CUX1: variants seen among roughly 807,000 people sequenced by gnomAD.
CUX1 encodes cut like homeobox 1.
In CUX1, 31 loss-of-function variants were observed where a neutral mutation model predicts 158.8. The ratio of observed to expected loss-of-function variants is 0.20; its 90% CI spans 0.15 to 0.26. CUX1 has a LOEUF of 0.26. Among genes scored for constraint, CUX1 ranks in the 10% least tolerant of loss-of-function variants. CUX1 has a pLI of 1.00. For synonymous variants in CUX1, 879 were observed against 862.1 expected (o/e 1.02, Z -0.34); for missense variants, 1,589 against 2,014.6 (o/e 0.79, Z 4.04).
Position 101,889,786 on chromosome 7 carries a change from CAAAT to C in CUX1, c.31-26323_31-26320del, listed in dbSNP as rs200585694. ...GACTATATCTCAAAAAATAAATAAA[CAAAT>C]AAATACATCTGGTGCAGGTAAAGTG... On this transcript the variant is annotated intron_variant, in intron 1 of 23. Transcript: ENST00000292535. Among the ~76,000 whole-genome samples, 858 of 152,048 alleles carry C rather than the reference CAAAT, an allele frequency of 5.6e-3. 10 individuals are homozygous for C. The highest frequency in any genetic ancestry group is 0.02 in the African/African-American group (822 of 41,548).
intron 8 of CUX1, among the ~76,000 whole-genome samples, chr7:102,144,362 T>C (rs145452066): frequency 1.7e-4 from 26 of 152,264 alleles, no homozygotes; most frequent in African/African-American, 5.1e-4. Flanking sequence ...CGTGACCTGG[T>C]GTCAGCATCT....
chr7:102,220,614 GTCTT>G (rs1797709938), intron 20 of CUX1, among the ~76,000 whole-genome samples: 1 of 152,112 alleles, frequency 6.6e-6, no homozygotes, highest in Non-Finnish European at 1.5e-5. Context: ...GCTGGGAAGA[GTCTT>G]TCTGAGCCTC....
At chr7:102,139,438 G>C (rs1554499616) in intron 8 of CUX1, among the ~76,000 whole-genome samples, 1 of 152,020 alleles carries the variant, frequency 6.6e-6, no homozygotes, top group Non-Finnish European at 1.5e-5. Flanking sequence ...GCTGGTTATT[G>C]GATATACATC....
chr7:102,154,456 AAAAC>A (rs1554504499), intron 8 of CUX1: 1 of 151,910 alleles, frequency 6.6e-6, no homozygotes, highest in African/African-American at 2.4e-5. Context: ...CCAAAAAAAA[AAAAC>A]AAATAGAAAA....
chr7:101,910,338 G>A (rs1422773208), intron 1 of CUX1, among the ~76,000 whole-genome samples: 2 of 151,942 alleles, frequency 1.3e-5, no homozygotes, highest in African/African-American at 4.8e-5. Context: ...GTAGAGATGG[G>A]GTTTTGCCAT....
chr7:101,972,903 T>TA (rs1812150958), intron 2 of CUX1, among the ~76,000 whole-genome samples: 1 of 152,198 alleles, frequency 6.6e-6, no homozygotes, highest in African/African-American at 2.4e-5. Flanking sequence ...GACTTTCTGT[T>TA]ACCACTGACC....
In CUX1 at chr7:102,249,241, G is replaced by A. The variant is rs1412484487; in HGVS notation, c.*199G>A. ...ACCCGAGGCCCAGATCCAAGGCCGC[G>A]GCCCAGACCCACTCTGCGGCCCGGG... is the stretch of plus-strand genomic sequence containing the variant. On this transcript the variant is annotated 3_prime_UTR_variant, in exon 24 of 24. Coordinates refer to ENST00000292535, the MANE Select transcript of CUX1 (RefSeq NM_181552.4). 2 of 1,086,256 alleles carry A rather than the reference G, an allele frequency of 1.8e-6. No homozygotes were observed. Among genetic ancestry groups the A allele is most frequent in the African/African-American group, 1.7e-5 (1 of 59,410 alleles). 67.3% of individuals were successfully genotyped at this position (1,086,256 alleles called of 1,614,324 possible).
chr7:102,118,474 G>A (rs950758674), intron 8 of CUX1, among the ~76,000 whole-genome samples: 1 of 152,150 alleles, frequency 6.6e-6, no homozygotes, highest in Non-Finnish European at 1.5e-5. Flanking sequence ...GGAGGTCGAG[G>A]CTGCAGTGAG....
intron 22 of CUX1, among the ~76,000 whole-genome samples, chr7:102,238,776 CTG>C (rs1554533764): frequency 6.6e-6 from 1 of 152,232 alleles, no homozygotes; most frequent in African/African-American, 2.4e-5. Context: ...CCCTACTAAA[CTG>C]TTAAGTTGTG....
chr7:102,017,131 T>C (rs1818701605), intron 2 of CUX1, among the ~76,000 whole-genome samples: 2 of 151,406 alleles, frequency 1.3e-5, no homozygotes, highest in Admixed American at 6.6e-5. Flanking sequence ...CGGTGAAACC[T>C]TGTCTCTACT....
intron 8 of CUX1, among the ~76,000 whole-genome samples, chr7:102,117,446 G>A (rs993324257): frequency 1.4e-5 from 2 of 147,616 alleles, no homozygotes; most frequent in African/African-American, 5.1e-5. Context: ...ATTTGCAGAG[G>A]TGCAGTTCCT....
chr7:102,158,866 G>T (rs1163694015), intron 9 of CUX1, among the ~76,000 whole-genome samples: 1 of 152,206 alleles, frequency 6.6e-6, no homozygotes, highest in African/African-American at 2.4e-5. Context: ...CTCCAAAGTG[G>T]TAACTGTCTC....
intron 2 of CUX1, among the ~76,000 whole-genome samples, chr7:101,945,184 G>A (rs976192158): frequency 1.7e-4 from 26 of 152,018 alleles, no homozygotes; most frequent in African/African-American, 4.6e-4. Context: ...AGGGCAGAGC[G>A]ACCTCAGGGC....
chr7:101,849,232 G>A (rs1239822840), intron 1 of CUX1, among the ~76,000 whole-genome samples: 1 of 151,498 alleles, frequency 6.6e-6, no homozygotes, highest in South Asian at 2.1e-4. Context: ...TGTCATGGGG[G>A]TTTGTTGTAC....
upstream of CUX1, chr7:101,816,154 T>A: frequency 1.0e-6 from 1 of 964,344 alleles, no homozygotes; most frequent in Non-Finnish European, 1.3e-6. Flanking sequence ...GGTCGCGGCC[T>A]CCGCCGGGGG....
In CUX1 at chr7:101,889,113, A is replaced by G. The variant is rs114067693; in HGVS notation, c.31-27002A>G. Among the ~76,000 whole-genome samples, 1,198 of 151,906 alleles carry G rather than the reference A, an allele frequency of 7.9e-3. 20 individuals are homozygous for G. The highest frequency in any genetic ancestry group is 0.028 in the African/African-American group (1,149 of 41,430). ...AGACCCCGTCTCTACAAGAAAATTA[A>G]AAAATGAGTTGGATGTGTACCTGTG... On this transcript the variant is annotated intron_variant, in intron 1 of 23. Coordinates refer to ENST00000292535, the MANE Select transcript of CUX1 (RefSeq NM_181552.4).
intron 11 of CUX1, among the ~76,000 whole-genome samples, chr7:102,180,723 G>C (rs1207489900): frequency 6.7e-6 from 1 of 149,436 alleles, no homozygotes; most frequent in Admixed American, 6.7e-5. Context: ...TGCCTATGCT[G>C]ATGGCTCCCA....
chr7:102,250,255 T>C lies in CUX1; in HGVS notation c.*1213T>C. 2.8e-5 allele frequency: 28 copies of C among 985,308 alleles called. No homozygotes were observed. Among genetic ancestry groups the C allele is most frequent in the Non-Finnish European group, 2.9e-5 (24 of 829,926 alleles). 61.0% of individuals were successfully genotyped at this position (985,308 alleles called of 1,614,324 possible). The stretch of plus-strand genomic sequence containing the variant: ...TGTGCGTCTGCACGTGTGCAAGCAT[T>C]GAAAGAAAGGAGAGAGTAGTCCGGG... On this transcript the variant is annotated 3_prime_UTR_variant, in exon 24 of 24. Coordinates refer to ENST00000292535, the MANE Select transcript of CUX1 (RefSeq NM_181552.4).
chr7:102,230,075 G>A lies in CUX1; in HGVS notation c.3433+2406G>A, dbSNP rs577167716. 2.6e-5 allele frequency among the ~76,000 whole-genome samples: 4 copies of A among 152,338 alleles called. No individual in the cohort carries two copies. In the South Asian group the frequency reaches 8.3e-4, roughly 32 times the overall value. ...AGTTAAAGGGGCAGTGTTCTCTGCA[G>A]AGCATGTAAGCACAACCCTACCGAG... On this transcript the variant is annotated intron_variant, in intron 21 of 23. Coordinates refer to ENST00000292535, the MANE Select transcript of CUX1 (RefSeq NM_181552.4).
Sources: gnomAD v4.1 joint callset for allele counts (sites outside exome capture counted in the v4.1 genomes callset) on GRCh38, gnomAD v4.1.1 for gene constraint, MANE v1.5 for transcripts, NCBI Gene and HGNC (gene_info 2026-07-23, HGNC 2026-07-21) for gene names.